Variants in TMEM117 observed in about 807,000 individuals in gnomAD.
TMEM117 encodes the protein transmembrane protein 117.
TMEM117 carries 27 observed loss-of-function variants against 52.4 expected under a neutral mutation model. That is an observed-to-expected ratio of 0.51 (90% CI 0.38 to 0.71). The LOEUF is 0.71. Among genes scored for constraint, TMEM117 ranks in the 30% least tolerant of loss-of-function variants. The pLI is 0.00. For synonymous variants in TMEM117, 215 were observed against 206.3 expected (o/e 1.04, Z -0.36); for missense variants, 556 against 630.5 (o/e 0.88, Z 1.26).
chr12:44,102,273 C>T (rs1311724991), intron 3 of TMEM117, among the ~76,000 whole-genome samples: 2 of 151,940 alleles, frequency 1.3e-5, no homozygotes, highest in South Asian at 2.1e-4. Flanking sequence ...TTAAGGGAAT[C>T]GGCTATCTAG....
intron 7 of TMEM117, among the ~76,000 whole-genome samples, chr12:44,386,669 A>G (rs189983487): frequency 2.0e-5 from 3 of 152,226 alleles, no homozygotes; most frequent in Admixed American, 1.3e-4. Flanking sequence ...TAGTAATCGC[A>G]TGAAATTCTG....
chr12:43,965,182 G>A lies in TMEM117; in HGVS notation c.410+20840G>A, dbSNP rs181724066. Among the ~76,000 whole-genome samples, 14 of 152,314 alleles carry A rather than the reference G, an allele frequency of 9.2e-5. No homozygotes were observed. In the East Asian group the frequency reaches 2.1e-3, roughly 23 times the overall value. On this transcript the variant is annotated intron_variant, in intron 3 of 7. Transcript: ENST00000266534. ...CATTCAAGTCAGCTCCTACTTCTGGGTAAGTTAGGAGTTTGCTGAAGGCAA... is the reference window on the plus strand; with the variant it reads ...CATTCAAGTCAGCTCCTACTTCTGGATAAGTTAGGAGTTTGCTGAAGGCAA...
rs369123514 is a variant in TMEM117 at position 43,944,189 on chromosome 12, T to A, written c.278-21T>A. On this transcript the variant is annotated intron_variant, in intron 2 of 7. Coordinates refer to ENST00000266534, the MANE Select transcript of TMEM117 (RefSeq NM_032256.3). Reference sequence around the variant, plus strand: ...TTTGAGTTACAGTGTACATTAATTTTTAATAATATTTGTATTTCAGGTCAG... The same window carrying A: ...TTTGAGTTACAGTGTACATTAATTTATAATAATATTTGTATTTCAGGTCAG... 113 of 1,597,120 alleles carry A rather than the reference T, an allele frequency of 7.1e-5. No individual in the cohort carries two copies. The African/African-American group carries it at 1.4e-3, about 20-fold the overall frequency.
At chr12:43,999,383 T>C (rs1444945201) in intron 3 of TMEM117, among the ~76,000 whole-genome samples, 5 of 152,246 alleles carry the variant, frequency 3.3e-5, no homozygotes, top group Non-Finnish European at 7.3e-5. Context: ...CTATTACAGT[T>C]ATTAAATGCT....
chr12:44,182,342 T>G (rs1163446588), intron 4 of TMEM117, among the ~76,000 whole-genome samples: 1 of 152,178 alleles, frequency 6.6e-6, no homozygotes, highest in Non-Finnish European at 1.5e-5. Context: ...GGAATACCCT[T>G]TATTTCCTTC....
chr12:43,914,055 C>CA (rs2137539722), intron 2 of TMEM117, among the ~76,000 whole-genome samples: 1 of 152,206 alleles, frequency 6.6e-6, no homozygotes, highest in East Asian at 1.9e-4. Context: ...TCCTCTGGTG[C>CA]ATCTGAGGGC....
At chr12:44,158,873 CT>C in intron 4 of TMEM117, among the ~76,000 whole-genome samples, 2 of 152,290 alleles carry the variant, frequency 1.3e-5, no homozygotes, top group East Asian at 3.9e-4. Flanking sequence ...CCATCAGTGT[CT>C]GCCCTGGTCT....
intron 3 of TMEM117, among the ~76,000 whole-genome samples, chr12:44,114,480 G>T (rs182423302): frequency 1.3e-5 from 2 of 152,258 alleles, no homozygotes; most frequent in East Asian, 1.9e-4. Flanking sequence ...GATCTCAAGA[G>T]AACCTTTTTC....
At chr12:44,126,006 C>A (rs1335474504) in intron 3 of TMEM117, among the ~76,000 whole-genome samples, 1 of 152,100 alleles carries the variant, frequency 6.6e-6, no homozygotes, top group Non-Finnish European at 1.5e-5. Context: ...TGTTCAGTTT[C>A]CATGTAGTAT....
downstream of TMEM117, among the ~76,000 whole-genome samples, chr12:44,393,224 C>A (rs1952169050): frequency 6.6e-6 from 1 of 152,022 alleles, no homozygotes; most frequent in Non-Finnish European, 1.5e-5. Flanking sequence ...GGTCTAAATT[C>A]CTTAATACCA....
chr12:44,052,860 G>A lies in TMEM117; in HGVS notation c.411-90665G>A, dbSNP rs74511635. 1.7e-3 allele frequency among the ~76,000 whole-genome samples: 254 copies of A among 152,140 alleles called. 4 individuals carry two copies. In the East Asian group the frequency reaches 0.037, roughly 22 times the overall value. On this transcript the variant is annotated intron_variant, in intron 3 of 7. Coordinates refer to ENST00000266534, the MANE Select transcript of TMEM117 (RefSeq NM_032256.3). ...GGTGTAGGCTCACTTTCATTCTAGGGGACACATATGAGTCTCTCTGATATC... is the reference window on the plus strand; with the variant it reads ...GGTGTAGGCTCACTTTCATTCTAGGAGACACATATGAGTCTCTCTGATATC...
chr12:44,377,786 A>C (rs1346551357), intron 7 of TMEM117, among the ~76,000 whole-genome samples: 1 of 152,228 alleles, frequency 6.6e-6, no homozygotes, highest in African/African-American at 2.4e-5. Flanking sequence ...TGCCAAATAA[A>C]AATAGTCTGA....
chr12:43,860,020 A>C (rs1002711144), intron 2 of TMEM117, among the ~76,000 whole-genome samples: 2 of 152,090 alleles, frequency 1.3e-5, no homozygotes, highest in Admixed American at 6.6e-5. Context: ...AATGTCATTG[A>C]GTTTCTTCTT....
At chr12:44,274,203 A>C (rs757881744) in intron 5 of TMEM117, among the ~76,000 whole-genome samples, 214 of 152,180 alleles carry the variant, frequency 1.4e-3, no homozygotes, top group Non-Finnish European at 1.4e-3. Context: ...AAGTAATCCC[A>C]GTGGCCACAC....
intron 4 of TMEM117, among the ~76,000 whole-genome samples, chr12:44,202,962 T>C (rs1422595904): frequency 6.6e-6 from 1 of 152,012 alleles, no homozygotes; most frequent in Non-Finnish European, 1.5e-5. Context: ...ATTTTTTTCT[T>C]TTTCATATTT....
intron 6 of TMEM117, among the ~76,000 whole-genome samples, chr12:44,361,150 G>A (rs1476461570): frequency 6.6e-6 from 1 of 152,088 alleles, no homozygotes; most frequent in African/African-American, 2.4e-5. Flanking sequence ...GCTACCCACT[G>A]AGAAAAGTTC....
At chr12:44,085,231 T>G (rs1247723059) in intron 3 of TMEM117, among the ~76,000 whole-genome samples, 1 of 152,170 alleles carries the variant, frequency 6.6e-6, no homozygotes. Flanking sequence ...TACCTAAAGC[T>G]AATTTGACAG....
At position 44,254,325 on chromosome 12, in the gene TMEM117, TAGA is replaced by T. The variant is rs200863499; in HGVS notation, c.608+42943_608+42945del. On this transcript the variant is annotated intron_variant, in intron 5 of 7. Transcript: ENST00000266534. ...TCTCAGTAGATGAGAATCAATCAAT[TAGA>T]AGAACACTATGAAGTAGACAGTTTA... is the stretch of plus-strand genomic sequence containing the variant. Among the ~76,000 whole-genome samples, 163 of 152,074 alleles carry T rather than the reference TAGA, an allele frequency of 1.1e-3. 2 individuals are homozygous for T. In the East Asian group the frequency reaches 0.024, roughly 22 times the overall value.
chr12:44,016,007 C>T (rs1946367808), intron 3 of TMEM117, among the ~76,000 whole-genome samples: 1 of 152,138 alleles, frequency 6.6e-6, no homozygotes, highest in African/African-American at 2.4e-5. Context: ...GTCTCAAAAA[C>T]AAGAATAAAA....
Sources: gnomAD v4.1 joint callset for allele counts (sites outside exome capture counted in the v4.1 genomes callset) on GRCh38, gnomAD v4.1.1 for gene constraint, MANE v1.5 for transcripts, NCBI Gene and HGNC (gene_info 2026-07-23, HGNC 2026-07-21) for gene names.